KIFC3: variants seen among roughly 807,000 people sequenced by gnomAD.
KIFC3 encodes kinesin-like protein KIFC3.
KIFC3 carries 60 observed loss-of-function variants against 101.8 expected under a neutral mutation model. That is an observed-to-expected ratio of 0.59 (90% confidence interval 0.48 to 0.73). The LOEUF is 0.73. KIFC3 is among the 30% of genes least tolerant of loss of function. The pLI is 0.00. For synonymous variants in KIFC3, 476 were observed against 482.7 expected, an observed-to-expected ratio of 0.99 and a Z score of 0.18; for missense variants, 966 against 1,137.1, an observed-to-expected ratio of 0.85 and a Z score of 2.16.
intron 1 of KIFC3, among the ~76,000 whole-genome samples, chr16:57,834,728 G>C (rs1332099461): frequency 6.6e-6 from 1 of 151,992 alleles, no homozygotes; most frequent in African/African-American, 2.4e-5. Flanking sequence ...TATTGGCCAG[G>C]TTGGTCTTAA....
At chr16:57,850,085 C>A (rs1433772427) in intron 1 of KIFC3, among the ~76,000 whole-genome samples, 4 of 151,266 alleles carry the variant, frequency 2.6e-5, no homozygotes, top group Non-Finnish European at 4.4e-5. Context: ...CAGAGCAAGA[C>A]CCTTTCTCTA....
chr16:57,787,751 C>G, intron 3 of KIFC3, among the ~76,000 whole-genome samples: 1 of 152,180 alleles, frequency 6.6e-6, no homozygotes, highest in East Asian at 1.9e-4. Context: ...GACCCCAACC[C>G]CTGCCACTCG....
chr16:57,760,563 C>T, intron 16 of KIFC3, 147 bp from the exon 17 acceptor site: 2 of 1,159,080 alleles, frequency 1.7e-6, no homozygotes, highest in Admixed American at 3.9e-5. Flanking sequence ...GGCAGAGGTG[C>T]TGTGGTCAAA....
chr16:57,806,313 C>A (rs555695352), upstream of KIFC3, among the ~76,000 whole-genome samples: 5 of 152,162 alleles, frequency 3.3e-5, no homozygotes, highest in Admixed American at 2.6e-4. Flanking sequence ...TCCTTCACCC[C>A]ATTCTCATCT....
intron 9 of KIFC3, among the ~76,000 whole-genome samples, chr16:57,768,172 A>AAAACAAAC: frequency 1.3e-5 from 2 of 152,202 alleles, no homozygotes; most frequent in Admixed American, 1.3e-4. Context: ...TTAAAAATAC[A>AAAACAAAC]AAACAAACAA....
Position 57,852,685 on chromosome 16 carries a change from C to T in KIFC3, c.108+10044G>A, listed in dbSNP as rs139048678. On this transcript the variant is annotated intron_variant, in intron 1 of 2. Coordinates refer to the KIFC3 transcript ENST00000563028. ...TCCGTCTTCAACTAGAAGTCCTATA[C>T]ATTAATATTTGACTTCAAGAGGTTT... Among the ~76,000 whole-genome samples, 714 of 152,256 alleles carry T rather than the reference C, an allele frequency of 4.7e-3. 5 individuals are homozygous for T. Among genetic ancestry groups the T allele is most frequent in the African/African-American group, 0.016 (673 of 41,540 alleles).
At chr16:57,781,272 G>GC (rs2052705582) in intron 3 of KIFC3, among the ~76,000 whole-genome samples, 1 of 152,100 alleles carries the variant, frequency 6.6e-6, no homozygotes, top group East Asian at 1.9e-4. Flanking sequence ...CTGTGATCAC[G>GC]CCCCTGCACT....
At chr16:57,821,395 C>T (rs566867390) in intron 1 of KIFC3, among the ~76,000 whole-genome samples, 1 of 152,256 alleles carries the variant, frequency 6.6e-6, no homozygotes, top group South Asian at 2.1e-4. Flanking sequence ...AGAAGGAAAA[C>T]CAGGTAACTC....
rs116905168 is a variant in KIFC3 at position 57,802,485 on chromosome 16, C to G, written c.-155G>C. ...GCCTCCTCCTCGGCCAGCCCGCTCG[C>G]GCCCCTCCCGCACACTTTCCACAGG... On this transcript the variant is annotated 5_prime_UTR_variant, in exon 1 of 20. Coordinates refer to ENST00000445690, the MANE Select transcript of KIFC3 (RefSeq NM_001130100.2). The surrounding 1 kb of genome is among the most constrained non-coding windows in gnomAD (Gnocchi z 5.0). The G allele has an allele frequency of 0.075, 73,945 of 983,412 alleles. 2,884 individuals carry two copies. Among genetic ancestry groups the G allele is most frequent in the South Asian group, 0.1 (2,171 of 21,296 alleles). 60.9% of individuals were successfully genotyped at this position (983,412 alleles called of 1,614,324 possible).
At position 57,761,497 on chromosome 16, in the gene KIFC3, G is replaced by A; in HGVS notation, c.1788C>T (p.Ile596=). The part of the protein sequence containing the change: ...LGKEPQEKLE[I]RLCPDGSGQL... The stretch of plus-strand genomic sequence containing the variant: ...GCCCACTGCCGTCTGGGCACAGCCG[G>A]ATCTCCAGTTTTTCCTGAGGCTCTT... The change falls in exon 14 of 20, where the codon ATC becomes ATT. Residue 596 remains isoleucine (I), a synonymous_variant. Coordinates refer to ENST00000445690, the MANE Select transcript of KIFC3 (RefSeq NM_001130100.2). 4 of 1,613,796 alleles carry A rather than the reference G, an allele frequency of 2.5e-6. No individual in the cohort carries two copies. The highest frequency in any genetic ancestry group is 3.4e-6 in the Non-Finnish European group (4 of 1,179,832).
At chr16:57,765,947 A>C in intron 10 of KIFC3, 1 of 291,742 alleles carries the variant, frequency 3.4e-6, no homozygotes, top group Non-Finnish European at 6.4e-6. Flanking sequence ...CAGAACGGAC[A>C]CTCTTTTTCT....
At chr16:57,803,062 C>T (rs775718329), upstream of KIFC3, 1 of 1,535,410 alleles carries the variant, frequency 6.5e-7, no homozygotes, top group Non-Finnish European at 8.7e-7. Context: ...CCACCACCTA[C>T]TCGCTGGCCA....
At chr16:57,775,842 C>T (rs1363491289) in intron 3 of KIFC3, 13 of 985,506 alleles carry the variant, frequency 1.3e-5, no homozygotes, top group Non-Finnish European at 4.8e-6. Flanking sequence ...GGGCTGAGGA[C>T]GGACCAGGCT....
At chr16:57,820,369 G>A (rs182279560) in intron 1 of KIFC3, among the ~76,000 whole-genome samples, 15 of 152,302 alleles carry the variant, frequency 9.8e-5, no homozygotes, top group Non-Finnish European at 4.4e-5. Context: ...CGAATCCCTC[G>A]GCTCAAGCAA....
chr16:57,780,875 A>ATGT (rs2052653408), intron 3 of KIFC3, among the ~76,000 whole-genome samples: 1 of 151,804 alleles, frequency 6.6e-6, no homozygotes, highest in African/African-American at 2.4e-5. Context: ...GGGTTTCACC[A>ATGT]TGTTGGCCAG....
chr16:57,780,603 G>GTTTTTTTTTTTTT, intron 3 of KIFC3, among the ~76,000 whole-genome samples: 1 of 143,032 alleles, frequency 7.0e-6, no homozygotes, highest in Non-Finnish European at 1.5e-5. Flanking sequence ...GAAGAAGGCA[G>GTTTTTTTTTTTTT]CAGCCAAACA....
chr16:57,809,388 T>C (rs2055013811), intron 1 of KIFC3, among the ~76,000 whole-genome samples: 1 of 152,160 alleles, frequency 6.6e-6, no homozygotes, highest in Admixed American at 6.5e-5. Flanking sequence ...CTTAAACTCC[T>C]GAGTTGAAGC....
rs200915285 is a variant in KIFC3, at chr16:57,817,815, GA to G, written c.109-19534del. Among the ~76,000 whole-genome samples, 1,014 of 152,264 alleles carry G rather than the reference GA, an allele frequency of 6.7e-3. 7 individuals are homozygous for G. The highest frequency in any genetic ancestry group is 9.8e-3 in the Non-Finnish European group (666 of 68,016). The stretch of plus-strand genomic sequence containing the variant: ...CATGTGTAATCTTCTTAATAAGACT[GA>G]TATTGCTTTTATCCTCATCTTACAG... On this transcript the variant is annotated intron_variant, in intron 1 of 2. Transcript: ENST00000563028.
intron 11 of KIFC3, among the ~76,000 whole-genome samples, chr16:57,764,673 G>A (rs1036231612): frequency 6.6e-6 from 1 of 152,232 alleles, no homozygotes; most frequent in Non-Finnish European, 1.5e-5. Context: ...GCAGAGATAA[G>A]GGAAGAGTGG....
Sources: allele counts gnomAD v4.1 joint callset (sites outside exome capture counted in the v4.1 genomes callset), GRCh38; gene constraint gnomAD v4.1.1; non-coding constraint Gnocchi (gnomAD v3.1); transcripts MANE v1.5; gene names NCBI Gene and HGNC (gene_info 2026-07-23, HGNC 2026-07-21).